Variants in PADI4 observed in about 807,000 individuals in gnomAD.
The protein encoded by PADI4 is protein-arginine deiminase type-4.
In PADI4, 62 loss-of-function variants were observed where a neutral mutation model predicts 75.0. The ratio of observed to expected loss-of-function variants is 0.83; its 90% CI spans 0.67 to 1.02. The LOEUF is 1.02. Among genes scored for constraint, PADI4 ranks in the 50% least tolerant of loss-of-function variants. PADI4 has a pLI of 0.00. For synonymous variants in PADI4, 361 were observed against 348.1 expected (o/e 1.04, Z -0.41); for missense variants, 845 against 850.5 (o/e 0.99, Z 0.08).
chr1:17,341,856 GA>G, intron 6 of PADI4, 86 bp from the exon 7 acceptor site: 1 of 1,019,796 alleles, frequency 9.8e-7, no homozygotes, highest in Non-Finnish European at 1.5e-6. Context: ...GTGACCCTGG[GA>G]AAGGCTTCTG....
intron 15 of PADI4, among the ~76,000 whole-genome samples, chr1:17,361,164 C>T (rs1468628992): frequency 2.0e-5 from 3 of 152,174 alleles, no homozygotes; most frequent in Non-Finnish European, 4.4e-5. Context: ...CCACCTGGGG[C>T]TCCGGGGTGG....
intron 8 of PADI4, 34 bp downstream of exon 8, chr1:17,342,436 A>T: frequency 7.6e-7 from 1 of 1,312,498 alleles, no homozygotes; most frequent in Non-Finnish European, 1.1e-6. Context: ...GTGGGTCCAG[A>T]CAACAAAGAG....
At chr1:17,308,586 T>C (rs1301361452) in intron 1 of PADI4, among the ~76,000 whole-genome samples, 1 of 152,166 alleles carries the variant, frequency 6.6e-6, no homozygotes, top group Admixed American at 6.5e-5. Context: ...CATCTCCCTG[T>C]CTTCATCGAG....
At chr1:17,317,719 C>T (rs564679562) in intron 1 of PADI4, among the ~76,000 whole-genome samples, 1 of 152,180 alleles carries the variant, frequency 6.6e-6, no homozygotes, top group East Asian at 1.9e-4. Flanking sequence ...ATCTGGAGAG[C>T]GTGTTAAAAC....
At chr1:17,309,570 A>G (rs2073764864) in intron 1 of PADI4, among the ~76,000 whole-genome samples, 1 of 152,174 alleles carries the variant, frequency 6.6e-6, no homozygotes, top group Non-Finnish European at 1.5e-5. Context: ...CTGATTCCTA[A>G]ATTATCCTGC....
chr1:17,340,578 G>A (rs1314812102), intron 6 of PADI4, among the ~76,000 whole-genome samples: 1 of 152,090 alleles, frequency 6.6e-6, no homozygotes. Flanking sequence ...GGAATGCAGG[G>A]AGGCTAGTGC....
In PADI4 at chr1:17,338,160, A is replaced by G; in HGVS notation, c.526+5A>G. ...ATGAAGTGCTTGACAGCGAAGGTAA[A>G]GAGCATTTGCTAGCTAACGGGAAGG... On this transcript the variant is annotated splice_donor_5th_base_variant and intron_variant, in intron 5 of 15. Coordinates refer to ENST00000375448, the MANE Select transcript of PADI4 (RefSeq NM_012387.3). 3.8e-6 allele frequency: 6 copies of G among 1,583,174 alleles called. No individual in the cohort carries two copies. Among genetic ancestry groups the G allele is most frequent in the Non-Finnish European group, 5.2e-6 (6 of 1,152,194 alleles).
At chr1:17,316,707 A>AAATT (rs71305228) in intron 1 of PADI4, among the ~76,000 whole-genome samples, 1,532 of 148,164 alleles carry the variant, frequency 0.01, 22 homozygotes, top group African/African-American at 0.023. Flanking sequence ...ATAAATAAAT[A>AAATT]AATTAATTAA....
chr1:17,308,975 T>C (rs1022268335), intron 1 of PADI4, among the ~76,000 whole-genome samples: 2 of 152,034 alleles, frequency 1.3e-5, no homozygotes, highest in African/African-American at 4.8e-5. Flanking sequence ...TCCTTGGTAG[T>C]TTTTATTTAC....
chr1:17,355,126 G>A (rs1166333515), intron 11 of PADI4, among the ~76,000 whole-genome samples: 1 of 152,200 alleles, frequency 6.6e-6, no homozygotes, highest in African/African-American at 2.4e-5. Context: ...TTGAACTGAG[G>A]CCTAATGACA....
chr1:17,340,324 C>T (rs565019194), intron 6 of PADI4, among the ~76,000 whole-genome samples: 170 of 152,234 alleles, frequency 1.1e-3, no homozygotes, highest in African/African-American at 3.8e-3. Flanking sequence ...ACATAAAACA[C>T]CTAGTGTGTC....
rs750079589 is a variant in PADI4 at position 17,354,585 on chromosome 1, G to T, written c.1208G>T (p.Gly403Val). 1 of 1,614,130 alleles carries T rather than the reference G, an allele frequency of 6.2e-7. No individual in the cohort carries two copies. The highest frequency in any genetic ancestry group is 8.5e-7 in the Non-Finnish European group (1 of 1,179,970). The change falls in exon 11 of 16, where the codon GGA becomes GTA. Residue 403 changes from glycine to valine, a missense_variant. Physicochemically the swap from Gly to Val is moderately radical, Grantham distance 109. Coordinates refer to ENST00000375448, the MANE Select transcript of PADI4 (RefSeq NM_012387.3). Reference protein sequence around the residue: ...TRGPQTGGISGLDSFGNLEVS... With the variant: ...TRGPQTGGISVLDSFGNLEVS... ...GGGCCCCAAACAGGGGGTATCAGTG[G>T]ACTGGACTCCTTTGGGAACCTGGAA...
In PADI4 at chr1:17,363,461, C is replaced by T. The variant is rs1325296322; in HGVS notation, c.1759-61C>T. 5 of 1,215,376 alleles carry T rather than the reference C, an allele frequency of 4.1e-6. No homozygotes were observed. The Admixed American group carries it at 7.6e-5, about 18-fold the overall frequency. 75.3% of individuals were successfully genotyped at this position (1,215,376 alleles called of 1,614,324 possible). ...CAAAGGTCAGAGAAGGGTGGGGCCGCTCAGATTGCGCTGCAGGCTGCCCGC... is the reference window on the plus strand; with the variant it reads ...CAAAGGTCAGAGAAGGGTGGGGCCGTTCAGATTGCGCTGCAGGCTGCCCGC... On this transcript the variant is annotated intron_variant, in intron 15 of 15. Coordinates refer to ENST00000375448, the MANE Select transcript of PADI4 (RefSeq NM_012387.3).
chr1:17,358,671 AT>A (rs998931915), intron 13 of PADI4, among the ~76,000 whole-genome samples, 166 bp from the exon 14 acceptor site: 4 of 152,184 alleles, frequency 2.6e-5, no homozygotes, highest in Admixed American at 1.3e-4. Context: ...AAAATATTGT[AT>A]TAAAGATATT....
intron 6 of PADI4, 26 bp downstream of exon 6, chr1:17,339,839 C>T (rs557484048): frequency 5.7e-6 from 9 of 1,576,430 alleles, no homozygotes; most frequent in Non-Finnish European, 7.8e-6. Flanking sequence ...CTTTGTTCCC[C>T]TCCTGCCCTG....
At chr1:17,310,601 G>A (rs1378246752) in intron 1 of PADI4, among the ~76,000 whole-genome samples, 3 of 151,946 alleles carry the variant, frequency 2.0e-5, no homozygotes, top group African/African-American at 7.3e-5. Flanking sequence ...CTCCAGCCTG[G>A]GTGACAGAGT....
intron 3 of PADI4, chr1:17,334,425 C>T (rs756023705): frequency 3.0e-5 from 14 of 460,358 alleles, no homozygotes; most frequent in South Asian, 2.2e-4. Flanking sequence ...GCTTCAGCGT[C>T]CCTAGTAGCT....
intron 8 of PADI4, among the ~76,000 whole-genome samples, chr1:17,345,497 CA>C (rs1446155224): frequency 6.6e-6 from 1 of 152,282 alleles, no homozygotes; most frequent in South Asian, 2.1e-4. Flanking sequence ...TGTCCCCACC[CA>C]AATCTCATCT....
At position 17,356,641 on chromosome 1, in the gene PADI4, C is replaced by T. The variant is rs2100248513; in HGVS notation, c.1558+182C>T. On this transcript the variant is annotated intron_variant, in intron 13 of 15. Coordinates refer to ENST00000375448, the MANE Select transcript of PADI4 (RefSeq NM_012387.3). This position sits in a 1 kb window ranked among gnomAD's most constrained non-coding sequence, Gnocchi z 4.1. The stretch of plus-strand genomic sequence containing the variant: ...GCAGAACAGCTTGCTGCCCTGTGGG[C>T]TCACAGGCCAGGGGGAAGTGAGTCA... Among the ~76,000 whole-genome samples the T allele has an allele frequency of 6.6e-6, 1 of 152,292 alleles. No individual in the cohort carries two copies. Among genetic ancestry groups the T allele is most frequent in the African/African-American group, 2.4e-5 (1 of 41,566 alleles).
Sources: allele counts gnomAD v4.1 joint callset (sites outside exome capture counted in the v4.1 genomes callset), GRCh38; gene constraint gnomAD v4.1.1; non-coding constraint Gnocchi (gnomAD v3.1); transcripts MANE v1.5; gene names NCBI Gene and HGNC (gene_info 2026-07-23, HGNC 2026-07-21).